The following IDO2 variants were observed in gnomAD, a reference collection of about 807,000 sequenced individuals.
The protein encoded by IDO2 is indoleamine 2,3-dioxygenase 2.
IDO2 carries 46 observed loss-of-function variants against 45.1 expected under a neutral mutation model. The observed-to-expected ratio is 1.02, with a 90% confidence interval of 0.80 to 1.30. The LOEUF (loss-of-function observed/expected upper bound fraction) is 1.30, where lower values mean the gene tolerates loss of function less well. Among genes scored for constraint, IDO2 ranks in the 50% most tolerant of loss-of-function variants. IDO2 has a pLI of 0.00. For missense variants in IDO2, 544 were observed against 491.8 expected (o/e 1.11, Z -1.00); for synonymous variants, 218 against 184.9 (o/e 1.18, Z -1.45).
chr8:39,963,167 A>G (rs1250127350), intron 2 of IDO2, among the ~76,000 whole-genome samples: 1 of 152,204 alleles, frequency 6.6e-6, no homozygotes, highest in East Asian at 1.9e-4. Context: ...ACATCTGTTT[A>G]TCTGCTGTCC....
intron 1 of IDO2, 45 bp from the exon 2 acceptor site, chr8:39,949,104 A>C (rs1464928677): frequency 3.2e-6 from 5 of 1,556,948 alleles, no homozygotes; most frequent in Non-Finnish European, 4.3e-6. Flanking sequence ...CTGGGTGTTT[A>C]ATTTATTAGG....
At chr8:39,952,004 A>G (rs868186174) in intron 2 of IDO2, among the ~76,000 whole-genome samples, 1 of 152,322 alleles carries the variant, frequency 6.6e-6, no homozygotes, top group African/African-American at 2.4e-5. Flanking sequence ...GTCCCTTGGG[A>G]AAGTGGTTTT....
chr8:39,979,069 G>A, exon 4 of IDO2: 1 of 1,579,532 alleles, frequency 6.3e-7, no homozygotes, highest in Non-Finnish European at 8.6e-7. Flanking sequence ...ATGAACAGAT[G>A]CCCCTGCTGA....
chr8:39,950,349 T>C lies in IDO2; in HGVS notation c.99+1085T>C, dbSNP rs141309969. 4.7e-4 allele frequency among the ~76,000 whole-genome samples: 72 copies of C among 152,208 alleles called. No individual in the cohort carries two copies. In the East Asian group the frequency reaches 0.014, roughly 29 times the overall value. ...GAGTTCAAGACCAGGTTGATCAACATGGTGAAACCCCGTCTCTACTAAAAA... is the reference window on the plus strand; with the variant it reads ...GAGTTCAAGACCAGGTTGATCAACACGGTGAAACCCCGTCTCTACTAAAAA... On this transcript the variant is annotated intron_variant, in intron 2 of 10. Coordinates refer to ENST00000502986, the Ensembl canonical transcript of IDO2.
At chr8:39,996,557 G>A (rs1483296696) in intron 8 of IDO2, among the ~76,000 whole-genome samples, 1 of 152,084 alleles carries the variant, frequency 6.6e-6, no homozygotes, top group Non-Finnish European at 1.5e-5. Flanking sequence ...CTTGGTGGTA[G>A]TGGTCCCCCG....
At chr8:39,961,320 CTTTTTTT>C (rs57577433) in intron 2 of IDO2, among the ~76,000 whole-genome samples, 1,238 of 106,138 alleles carry the variant, frequency 0.012, 25 homozygotes, top group African/African-American at 0.04. Flanking sequence ...TTGTATACTT[CTTTTTTT>C]TTTTTTTTTT....
At chr8:39,978,855 C>T (rs1449134024) in intron 3 of IDO2, among the ~76,000 whole-genome samples, 1 of 152,106 alleles carries the variant, frequency 6.6e-6, no homozygotes, top group Non-Finnish European at 1.5e-5. Flanking sequence ...TAGGTTCTTC[C>T]TGAGCAAAGT....
rs142579751 is a variant in IDO2 at position 39,965,612 on chromosome 8, T to C, written c.195+1909T>C. 4.0e-3 allele frequency among the ~76,000 whole-genome samples: 604 copies of C among 152,294 alleles called. 6 individuals are homozygous for C. Among genetic ancestry groups the C allele is most frequent in the Middle Eastern group, 0.017 (5 of 294 alleles). ...CTGTGAAAGTGGTCTTATTTGGAAA[T>C]AGGGTGTGTACAGATGTATTCGAGT... On this transcript the variant is annotated intron_variant, in intron 3 of 10. Transcript: ENST00000502986.
chr8:39,938,176 C>T (rs1293411660), intron 1 of IDO2, among the ~76,000 whole-genome samples: 2 of 152,112 alleles, frequency 1.3e-5, no homozygotes, highest in African/African-American at 4.8e-5. Context: ...GGCATTGTGG[C>T]TTACACCTGT....
chr8:40,008,982 A>G (rs984137902), intron 9 of IDO2, among the ~76,000 whole-genome samples: 1 of 151,330 alleles, frequency 6.6e-6, no homozygotes, highest in Admixed American at 6.6e-5. Context: ...TTCTTGATTT[A>G]TCCTATTTTT....
chr8:39,974,535 C>T lies in IDO2; in HGVS notation c.196-4532C>T, dbSNP rs565082152. Among the ~76,000 whole-genome samples the T allele has an allele frequency of 3.4e-4, 52 of 152,264 alleles. 1 individual carries two copies. Among genetic ancestry groups the T allele is most frequent in the African/African-American group, 1.1e-3 (47 of 41,548 alleles). On this transcript the variant is annotated intron_variant, in intron 3 of 10. Coordinates refer to ENST00000502986, the Ensembl canonical transcript of IDO2. ...CGGTGGCTCACGCCTGTAATCCCAG[C>T]ACTTTGGGAGGCCGAGGTGGGTGGA...
At chr8:40,015,510 A>C (rs779974479) in exon 11 of IDO2, 1 of 1,613,828 alleles carries the variant, frequency 6.2e-7, no homozygotes, top group Non-Finnish European at 8.5e-7. Context: ...TCAGGCTTTA[A>C]AAGACAGGGG....
chr8:39,966,157 T>A (rs1389914308), intron 3 of IDO2, among the ~76,000 whole-genome samples: 1 of 150,874 alleles, frequency 6.6e-6, no homozygotes, highest in Non-Finnish European at 1.5e-5. Flanking sequence ...GCCTCCTGAG[T>A]AGCTGGGACT....
At chr8:39,954,649 CTTTTTTTTTTTT>C (rs542016899) in intron 2 of IDO2, among the ~76,000 whole-genome samples, 2 of 84,714 alleles carry the variant, frequency 2.4e-5, no homozygotes, top group African/African-American at 9.2e-5. Flanking sequence ...GTCTCTCTCT[CTTTTTTTTTTTT>C]TTTTTTTTTT....
At chr8:39,986,146 A>G (rs1321500161) in intron 6 of IDO2, 1 of 152,314 alleles carries the variant, frequency 6.6e-6, no homozygotes, top group African/African-American at 2.4e-5. Context: ...TAATAGTGTG[A>G]AAAAAATATT....
At chr8:39,958,872 C>T (rs1394195143) in intron 2 of IDO2, among the ~76,000 whole-genome samples, 1 of 152,156 alleles carries the variant, frequency 6.6e-6, no homozygotes, top group Non-Finnish European at 1.5e-5. Flanking sequence ...ATATAAAATA[C>T]AGTTTTACAA....
At chr8:39,941,702 AATGTCTGC>A in intron 1 of IDO2, among the ~76,000 whole-genome samples, 1 of 152,320 alleles carries the variant, frequency 6.6e-6, no homozygotes, top group African/African-American at 2.4e-5. Flanking sequence ...TAATGCTGCA[AATGTCTGC>A]ATGTTTAGGG....
intron 1 of IDO2, among the ~76,000 whole-genome samples, chr8:39,943,952 C>T (rs1268200646): frequency 6.6e-6 from 1 of 152,006 alleles, no homozygotes; most frequent in African/African-American, 2.4e-5. Flanking sequence ...GTCCTGTTGT[C>T]CTGGCACAGA....
intron 5 of IDO2, among the ~76,000 whole-genome samples, chr8:39,983,567 T>A (rs1808383486): frequency 6.6e-6 from 1 of 152,080 alleles, no homozygotes; most frequent in Non-Finnish European, 1.5e-5. Context: ...ATTTTAAGAC[T>A]AATTTATGTG....
Sources: gnomAD v4.1 joint callset for allele counts (sites outside exome capture counted in the v4.1 genomes callset) on GRCh38, gnomAD v4.1.1 for gene constraint, MANE v1.5 for transcripts, NCBI Gene and HGNC (gene_info 2026-07-23, HGNC 2026-07-21) for gene names.